Variants in PALLD observed in about 807,000 individuals in gnomAD.
PALLD encodes the protein palladin.
PALLD carries 61 observed loss-of-function variants against 123.5 expected under a neutral mutation model. The observed-to-expected ratio is 0.49, with a 90% confidence interval of 0.40 to 0.61. The LOEUF (loss-of-function observed/expected upper bound fraction) is 0.61, where lower values mean the gene tolerates loss of function less well. PALLD is among the 20% of genes least tolerant of loss of function. PALLD has a pLI of 0.00. For synonymous variants in PALLD, 465 were observed against 496.4 expected, an observed-to-expected ratio of 0.94 and a Z score of 0.84; for missense variants, 1,273 against 1,377.0, an observed-to-expected ratio of 0.92 and a Z score of 1.20.
chr4:168,720,293 C>T (rs1202807605), intron 10 of PALLD, among the ~76,000 whole-genome samples: 1 of 152,202 alleles, frequency 6.6e-6, no homozygotes, highest in Non-Finnish European at 1.5e-5. Context: ...CTTCTCTTCC[C>T]ACTTTAATGT....
At chr4:168,643,987 C>T (rs2149881798) in intron 2 of PALLD, among the ~76,000 whole-genome samples, 1 of 152,074 alleles carries the variant, frequency 6.6e-6, no homozygotes, top group South Asian at 2.1e-4. Context: ...TTCTTGGATT[C>T]CATTCTTCTT....
At chr4:168,629,703 C>A (rs1021121509) in intron 2 of PALLD, among the ~76,000 whole-genome samples, 2 of 150,830 alleles carry the variant, frequency 1.3e-5, no homozygotes, top group Non-Finnish European at 1.5e-5. Context: ...GACCCCAAAA[C>A]GCCACAAACC....
In PALLD at chr4:168,573,788, T is replaced by C. The variant is rs1769242542; in HGVS notation, c.908+61376T>C. ...CCCAATTATACGAAGCTGCATACCA[T>C]TATTGGTGTGGAAAAACAGTAACCC... On this transcript the variant is annotated intron_variant, in intron 2 of 21. Coordinates refer to ENST00000505667, the MANE Select transcript of PALLD (RefSeq NM_001166108.2). Among the ~76,000 whole-genome samples, 4 of 152,114 alleles carry C rather than the reference T, an allele frequency of 2.6e-5. No individual in the cohort carries two copies. In the South Asian group the frequency reaches 8.3e-4, roughly 31 times the overall value.
chr4:168,623,060 T>A (rs895868693), intron 2 of PALLD, among the ~76,000 whole-genome samples: 8 of 152,228 alleles, frequency 5.3e-5, no homozygotes, highest in East Asian at 1.9e-4. Context: ...TTAGAAAATA[T>A]CTACATCAAG....
At chr4:168,919,991 C>T (rs1410278604) in intron 17 of PALLD, among the ~76,000 whole-genome samples, 1 of 152,174 alleles carries the variant, frequency 6.6e-6, no homozygotes, top group African/African-American at 2.4e-5. Flanking sequence ...GTGCTTTGGG[C>T]ATCTCTCCTA....
In PALLD at chr4:168,896,594, C is replaced by G. The variant is rs1200325013; in HGVS notation, c.2245C>G (p.Gln749Glu). The change falls in exon 13 of 22, where the codon CAA becomes GAA. Residue 749 changes from glutamine (Q) to glutamate (E), a missense_variant. By Grantham distance (29) the Gln-to-Glu change is conservative. Around this residue, in one of 2 missense-constraint regions of PALLD, gnomAD observed 944 missense variants for 954.5 expected, o/e 0.99. Coordinates refer to ENST00000505667, the MANE Select transcript of PALLD (RefSeq NM_001166108.2). ...TTCTGTAGGGAGTCCTCTGGATGGT[C>G]AAAAGGTTAAGCTTTTCACCTTTCT... is the stretch of plus-strand genomic sequence containing the variant. ...HASVGSPLDG[Q>E]KEYKVSSCEQ... 4.0e-6 allele frequency: 6 copies of G among 1,504,680 alleles called. No homozygotes were observed. Among genetic ancestry groups the G allele is most frequent in the South Asian group, 1.2e-5 (1 of 83,096 alleles). 93.2% of individuals were successfully genotyped at this position (1,504,680 alleles called of 1,614,324 possible).
chr4:168,593,438 A>AAAAAAAAAAAAAAAG, intron 2 of PALLD, among the ~76,000 whole-genome samples: 1 of 137,956 alleles, frequency 7.2e-6, no homozygotes, highest in African/African-American at 2.7e-5. Flanking sequence ...TCACCAGGCA[A>AAAAAAAAAAAAAAAG]AAAAAAAAGA....
intron 2 of PALLD, among the ~76,000 whole-genome samples, chr4:168,609,240 A>G (rs975724998): frequency 6.6e-6 from 1 of 150,394 alleles, no homozygotes; most frequent in Non-Finnish European, 1.5e-5. Flanking sequence ...GTCTGGCCTT[A>G]GAGAGTTGCT....
intron 14 of PALLD, among the ~76,000 whole-genome samples, chr4:168,902,179 T>G (rs1042205701): frequency 1.3e-5 from 2 of 152,242 alleles, no homozygotes; most frequent in African/African-American, 4.8e-5. Flanking sequence ...AATGTCAGTT[T>G]ATGTTACCAA....
chr4:168,528,909 C>T (rs761336081), intron 2 of PALLD, among the ~76,000 whole-genome samples: 2 of 151,898 alleles, frequency 1.3e-5, no homozygotes, highest in Non-Finnish European at 2.9e-5. Context: ...CAAAGAATAC[C>T]GAATATCATG....
At chr4:168,687,243 A>G (rs1203341462) in intron 6 of PALLD, among the ~76,000 whole-genome samples, 1 of 152,240 alleles carries the variant, frequency 6.6e-6, no homozygotes, top group Non-Finnish European at 1.5e-5. Context: ...TAGTATTTCC[A>G]GTTGGGCACA....
chr4:168,823,223 A>G (rs1326302205), intron 10 of PALLD, among the ~76,000 whole-genome samples: 4 of 152,158 alleles, frequency 2.6e-5, no homozygotes, highest in East Asian at 3.8e-4. Context: ...CACTGAACCT[A>G]ATGAATAAAT....
chr4:168,876,109 G>A (rs376399509), intron 10 of PALLD, among the ~76,000 whole-genome samples: 1 of 152,314 alleles, frequency 6.6e-6, no homozygotes, highest in South Asian at 2.1e-4. Flanking sequence ...GAAGGGTGTG[G>A]AAGAGTGTTG....
chr4:168,507,264 C>T (rs1762099773), intron 1 of PALLD: 2 of 172,884 alleles, frequency 1.2e-5, no homozygotes, highest in East Asian at 2.1e-4. Flanking sequence ...GTAACCCTGC[C>T]TCTGCATCAC....
At chr4:168,761,662 T>TTTTTTTTTTTTTTTTTTTTG (rs1732936097) in intron 10 of PALLD, among the ~76,000 whole-genome samples, 1 of 131,316 alleles carries the variant, frequency 7.6e-6, no homozygotes, top group African/African-American at 2.8e-5. Flanking sequence ...TTTTTTTTTT[T>TTTTTTTTTTTTTTTTTTTTG]TTTTTTTTTT....
At position 168,711,788 on chromosome 4, in the gene PALLD, C is replaced by T. The variant is rs758309395; in HGVS notation, c.1829C>T (p.Thr610Met). The T allele has an allele frequency of 8.1e-6, 13 of 1,613,988 alleles. No individual in the cohort carries two copies. Among genetic ancestry groups the T allele is most frequent in the South Asian group, 5.5e-5 (5 of 91,082 alleles). Residue 610 changes from threonine (T) to methionine (M), a missense_variant, in exon 10 of 22, where the codon ACG becomes ATG. Coordinates refer to ENST00000505667, the MANE Select transcript of PALLD (RefSeq NM_001166108.2). The stretch of plus-strand genomic sequence containing the variant: ...CAATTCAATGCTGCTGAGAGGGAAA[C>T]GAACGGAGTCCATCCCAGCCGTGGA... ...QMQFNAAERE[T>M]NGVHPSRGVN...
At chr4:168,816,415 T>TATATATATATATATATA (rs35097396) in intron 10 of PALLD, among the ~76,000 whole-genome samples, 28 of 136,274 alleles carry the variant, frequency 2.1e-4, no homozygotes, top group African/African-American at 6.4e-4. Flanking sequence ...ATATATATAT[T>TATATATATATATATATA]TTTTTTAAGT....
intron 10 of PALLD, among the ~76,000 whole-genome samples, chr4:168,732,259 A>C (rs549190218): frequency 2.6e-5 from 4 of 152,330 alleles, no homozygotes; most frequent in East Asian, 3.9e-4. Flanking sequence ...ATTTCTTGTC[A>C]GTTCTCTTGA....
At chr4:168,600,457 T>C (rs1395246421) in intron 2 of PALLD, among the ~76,000 whole-genome samples, 1 of 152,196 alleles carries the variant, frequency 6.6e-6, no homozygotes, top group East Asian at 1.9e-4. Flanking sequence ...TAAATTACTT[T>C]CCCTCTTTAA....
Sources: gnomAD v4.1 joint callset for allele counts (sites outside exome capture counted in the v4.1 genomes callset) on GRCh38, gnomAD v4.1.1 for gene constraint, gnomAD v4.1.1 regional missense constraint, MANE v1.5 for transcripts, NCBI Gene and HGNC (gene_info 2026-07-23, HGNC 2026-07-21) for gene names.